The following CCDC7 variants were observed in gnomAD, a reference collection of about 807,000 sequenced individuals.
The protein encoded by CCDC7 is coiled-coil domain containing 7.
In CCDC7, 183 loss-of-function variants were observed where a neutral mutation model predicts 196.9. The ratio of observed to expected loss-of-function variants is 0.93; its 90% confidence interval spans 0.82 to 1.05. The LOEUF (loss-of-function observed/expected upper bound fraction) is 1.05. CCDC7 is among the 50% of genes least tolerant of loss of function. The pLI is 0.00. For synonymous variants in CCDC7, 525 were observed against 484.6 expected, an observed-to-expected ratio of 1.08 and a Z score of -1.10; for missense variants, 1,540 against 1,482.2, an observed-to-expected ratio of 1.04 and a Z score of -0.64.
intron 11 of CCDC7, among the ~76,000 whole-genome samples, chr10:32,529,820 G>A (rs1396591844): frequency 6.6e-6 from 1 of 152,096 alleles, no homozygotes; most frequent in Admixed American, 6.6e-5. Flanking sequence ...ATTTGCTTTT[G>A]GGTTCTTGGT....
At chr10:32,518,153 C>G (rs890278493) in intron 10 of CCDC7, among the ~76,000 whole-genome samples, 178 bp downstream of exon 11, 1 of 152,122 alleles carries the variant, frequency 6.6e-6, no homozygotes, top group African/African-American at 2.4e-5. Flanking sequence ...TCATTTTACT[C>G]TCATTATCAC....
chr10:32,767,948 T>C (rs2078589259), intron 28 of CCDC7, among the ~76,000 whole-genome samples: 1 of 152,052 alleles, frequency 6.6e-6, no homozygotes, highest in Non-Finnish European at 1.5e-5. Flanking sequence ...CCAGAAATTC[T>C]GGAGTTGAGA....
chr10:32,462,484 A>G (rs946357346), intron 3 of CCDC7, among the ~76,000 whole-genome samples, 199 bp from the exon 5 acceptor site: 9 of 152,170 alleles, frequency 5.9e-5, no homozygotes, highest in Admixed American at 3.9e-4. Flanking sequence ...TTCTAGAAAG[A>G]AGTTGTCTAT....
upstream of CCDC7, chr10:32,451,587 C>T: frequency 2.0e-6 from 3 of 1,513,950 alleles, no homozygotes; most frequent in Non-Finnish European, 2.6e-6. Context: ...TATTTTTTTT[C>T]ACAGGGAGGA....
chr10:32,777,164 G>A (rs2080195876), intron 28 of CCDC7, among the ~76,000 whole-genome samples: 1 of 152,130 alleles, frequency 6.6e-6, no homozygotes, highest in Non-Finnish European at 1.5e-5. Context: ...AGCTCCCTCA[G>A]GATAATGGCC....
chr10:32,857,881 C>G (rs1409512082), intron 41 of CCDC7, among the ~76,000 whole-genome samples: 1 of 150,856 alleles, frequency 6.6e-6, no homozygotes, highest in Non-Finnish European at 1.5e-5. Context: ...AGACAAAATC[C>G]TTGCTAGGCA....
intron 12 of CCDC7, 40 bp from the exon 14 acceptor site, chr10:32,544,207 A>G: frequency 6.5e-7 from 1 of 1,545,308 alleles, no homozygotes; most frequent in Non-Finnish European, 8.8e-7. Context: ...TGATGCATTT[A>G]AAAATATCAT....
intron 23 of CCDC7, among the ~76,000 whole-genome samples, chr10:32,690,397 A>G (rs1338414956): frequency 6.6e-6 from 1 of 152,228 alleles, no homozygotes; most frequent in Non-Finnish European, 1.5e-5. Context: ...TATAAGGTTA[A>G]TCTGAACATC....
intron 20 of CCDC7, among the ~76,000 whole-genome samples, chr10:32,640,864 C>CTTTT (rs753769301): frequency 0.017 from 1,289 of 73,838 alleles, 55 homozygotes; most frequent in Middle Eastern, 0.038. Context: ...TGTAGATTTT[C>CTTTT]TTTTTTTTTT....
chr10:32,490,910 T>G (rs1355444130), intron 8 of CCDC7, among the ~76,000 whole-genome samples: 1 of 152,248 alleles, frequency 6.6e-6, no homozygotes, highest in African/African-American at 2.4e-5. Flanking sequence ...CTTACGAAGC[T>G]GGCTTCTCCC....
At position 32,672,386 on chromosome 10, in the gene CCDC7, GACA is replaced by G. The variant is rs1460759616; in HGVS notation, c.2122+8228_2122+8230del. On this transcript the variant is annotated intron_variant, in intron 21 of 41. Coordinates refer to ENST00000639629, the Ensembl canonical transcript of CCDC7. ...TTTGGAATGCAAACTACCTTGCTGTGACAACGATTCCCAATGTCTGAGGTGTGG... is the reference window on the plus strand; with the variant it reads ...TTTGGAATGCAAACTACCTTGCTGTGACGATTCCCAATGTCTGAGGTGTGG... Among the ~76,000 whole-genome samples, 6 of 152,154 alleles carry G rather than the reference GACA, an allele frequency of 3.9e-5. No homozygotes were observed. The East Asian group carries it at 9.6e-4, about 24-fold the overall frequency.
intron 16 of CCDC7, chr10:32,574,436 T>C: frequency 1.3e-6 from 2 of 1,592,644 alleles, no homozygotes; most frequent in Non-Finnish European, 1.7e-6. Context: ...TAGATGCTAA[T>C]AGAGTTTCTG....
intron 8 of CCDC7, among the ~76,000 whole-genome samples, chr10:32,489,159 C>T (rs1293292478): frequency 6.6e-6 from 1 of 152,116 alleles, no homozygotes. Context: ...TGCATGATAC[C>T]TGTGGAGTGG....
At chr10:32,758,557 G>T (rs567817574) in intron 28 of CCDC7, among the ~76,000 whole-genome samples, 2 of 152,212 alleles carry the variant, frequency 1.3e-5, no homozygotes, top group South Asian at 4.2e-4. Context: ...ACCCCTTCTT[G>T]CTAAAATCTC....
At chr10:32,599,830 G>A (rs905518448) in intron 18 of CCDC7, among the ~76,000 whole-genome samples, 1 of 152,092 alleles carries the variant, frequency 6.6e-6, no homozygotes. Flanking sequence ...TTTGTATATG[G>A]TAAGAGATAG....
chr10:32,876,708 T>C (rs979988946), downstream of CCDC7: 1 of 209,854 alleles, frequency 4.8e-6, no homozygotes, highest in Non-Finnish European at 9.4e-6. Context: ...TTTTGAACAA[T>C]GCATAACCAA....
intron 10 of CCDC7, among the ~76,000 whole-genome samples, 175 bp downstream of exon 11, chr10:32,518,150 A>G (rs1410059766): frequency 6.6e-6 from 1 of 152,090 alleles, no homozygotes; most frequent in Non-Finnish European, 1.5e-5. Context: ...TGTTCATTTT[A>G]CTCTCATTAT....
intron 8 of CCDC7, among the ~76,000 whole-genome samples, chr10:32,476,658 C>T (rs1452680308): frequency 6.6e-6 from 1 of 152,182 alleles, no homozygotes; most frequent in Non-Finnish European, 1.5e-5. Context: ...AGGGGCTGTA[C>T]CATTTTGCAT....
intron 9 of CCDC7, among the ~76,000 whole-genome samples, chr10:32,516,231 A>G (rs1482042350): frequency 6.6e-6 from 1 of 152,168 alleles, no homozygotes; most frequent in East Asian, 1.9e-4. Flanking sequence ...CCCAAAGAAG[A>G]TATAGAAATG....
Sources: gnomAD v4.1 joint callset for allele counts (sites outside exome capture counted in the v4.1 genomes callset) on GRCh38, gnomAD v4.1.1 for gene constraint, MANE v1.5 for transcripts, NCBI Gene and HGNC (gene_info 2026-07-23, HGNC 2026-07-21) for gene names.